The following ST14 variants were observed in gnomAD, a reference collection of about 807,000 sequenced individuals.
ST14 encodes ST14 transmembrane serine protease matriptase.
In ST14, 40 loss-of-function variants were observed where a neutral mutation model predicts 96.5. The ratio of observed to expected loss-of-function variants is 0.41; its 90% confidence interval spans 0.32 to 0.54. The LOEUF is 0.54. Among genes scored for constraint, ST14 ranks in the 20% least tolerant of loss-of-function variants. The pLI is 0.17. For synonymous variants in ST14, 506 were observed against 492.1 expected (o/e 1.03, Z -0.37); for missense variants, 1,066 against 1,188.9 (o/e 0.90, Z 1.52).
chr11:130,172,042 A>G (rs1310902951), intron 1 of ST14, among the ~76,000 whole-genome samples: 1 of 152,098 alleles, frequency 6.6e-6, no homozygotes, highest in Non-Finnish European at 1.5e-5. Flanking sequence ...ACAGCAAGAT[A>G]GTGTCAATTA....
chr11:130,184,809 G>A (rs1953223317), intron 1 of ST14, among the ~76,000 whole-genome samples: 1 of 152,222 alleles, frequency 6.6e-6, no homozygotes, highest in South Asian at 2.1e-4. Flanking sequence ...GAAAAGAAGG[G>A]GAATGAGTCT....
Position 130,195,892 on chromosome 11 carries a change from C to T in ST14, c.1114-447C>T, listed in dbSNP as rs921939674. Among the ~76,000 whole-genome samples the T allele has an allele frequency of 2.3e-4, 33 of 145,640 alleles. 1 individual carries two copies. The highest frequency in any genetic ancestry group is 1.3e-4 in the Non-Finnish European group (9 of 67,264). ...AGAAAAGAGGCTGGGTGTGGTGGCT[C>T]GTGCCTGTAATCCCAGCACTTTGGG... On this transcript the variant is annotated intron_variant, in intron 9 of 18. Coordinates refer to ENST00000278742, the MANE Select transcript of ST14 (RefSeq NM_021978.4).
At chr11:130,191,647 A>T (rs529285231) in intron 7 of ST14, among the ~76,000 whole-genome samples, 1 of 147,114 alleles carries the variant, frequency 6.8e-6, no homozygotes, top group Non-Finnish European at 1.5e-5. Flanking sequence ...CCGAGATCGT[A>T]CCACTACACT....
intron 8 of ST14, 50 bp from the exon 9 acceptor site, chr11:130,194,590 C>T (rs774704265): frequency 3.6e-5 from 58 of 1,591,856 alleles, no homozygotes; most frequent in East Asian, 6.7e-5. Context: ...TCCGCCTGCT[C>T]GGCCGGGCAG....
chr11:130,181,285 C>T lies in ST14; in HGVS notation c.82-6829C>T, dbSNP rs147967412. 3.3e-3 allele frequency among the ~76,000 whole-genome samples: 505 copies of T among 152,214 alleles called. 2 individuals are homozygous for T. Among genetic ancestry groups the T allele is most frequent in the African/African-American group, 0.011 (463 of 41,534 alleles). The stretch of plus-strand genomic sequence containing the variant: ...GGGTCTGTACCCTGCTTGTCCTGAG[C>T]CCTTTATCCCCAACCTCCCGCCTGG... On this transcript the variant is annotated intron_variant, in intron 1 of 18. Coordinates refer to ENST00000278742, the MANE Select transcript of ST14 (RefSeq NM_021978.4). This position sits in a 1 kb window ranked among gnomAD's most constrained non-coding sequence, Gnocchi z 4.1.
In ST14 at chr11:130,188,993, G is replaced by T. The variant is rs1309762028; in HGVS notation, c.440+54G>T. 8 of 1,557,514 alleles carry T rather than the reference G, an allele frequency of 5.1e-6. No individual in the cohort carries two copies. Among genetic ancestry groups the T allele is most frequent in the Non-Finnish European group, 2.6e-6 (3 of 1,143,668 alleles). On this transcript the variant is annotated intron_variant, in intron 4 of 18. Transcript: ENST00000278742. This position sits in a 1 kb window ranked among gnomAD's most constrained non-coding sequence, Gnocchi z 5.4. ...TGCACCCCAGACTGGCTGGGAGTAG[G>T]ATCGGGGTACAGTGTGTGGGGCAGG... is the stretch of plus-strand genomic sequence containing the variant.
At chr11:130,178,963 C>T (rs1953165842) in intron 1 of ST14, among the ~76,000 whole-genome samples, 1 of 152,132 alleles carries the variant, frequency 6.6e-6, no homozygotes. Flanking sequence ...TGCTTATAAC[C>T]AATTGTGGGA....
intron 16 of ST14, among the ~76,000 whole-genome samples, chr11:130,200,954 G>A (rs1953420963): frequency 6.6e-6 from 1 of 152,174 alleles, no homozygotes; most frequent in Admixed American, 6.5e-5. Flanking sequence ...CTGGCTTGCC[G>A]GTGGCCCTGG....
chr11:130,203,606 T>G (rs191829522), intron 16 of ST14, among the ~76,000 whole-genome samples: 3 of 152,260 alleles, frequency 2.0e-5, no homozygotes, highest in Non-Finnish European at 2.9e-5. Context: ...GCAGTCCTCA[T>G]GCCTTCCCCA....
chr11:130,208,771 C>CG (rs1285903582), intron 17 of ST14, 87 bp downstream of exon 17: 2 of 1,468,832 alleles, frequency 1.4e-6, no homozygotes, highest in Non-Finnish European at 1.8e-6. Context: ...GGTCTCGGGG[C>CG]GGGGGGCTGC....
Position 130,196,285 on chromosome 11 carries a change from G to A in ST14, c.1114-54G>A, listed in dbSNP as rs1565626110. 22 of 1,431,170 alleles carry A rather than the reference G, an allele frequency of 1.5e-5. No individual in the cohort carries two copies. The South Asian group carries it at 2.0e-4, about 13-fold the overall frequency. 88.7% of individuals were successfully genotyped at this position (1,431,170 alleles called of 1,614,324 possible). On this transcript the variant is annotated intron_variant, in intron 9 of 18. Transcript: ENST00000278742. ...CGCTGCCTCCCTTTGACGTCCTCAG[G>A]TTCAGGGAGGAGGGAGGGGAACTGC...
chr11:130,197,967 G>C (rs374239659), intron 12 of ST14, 22 bp downstream of exon 12: 4 of 1,553,948 alleles, frequency 2.6e-6, no homozygotes, highest in East Asian at 2.4e-5. Flanking sequence ...TGGGAGCCCC[G>C]GTCTCCCCAC....
Position 130,198,931 on chromosome 11 carries a change from C to A in ST14, c.1685-16C>A. 6.2e-7 allele frequency: 1 copy of A among 1,613,814 alleles called. No individual in the cohort carries two copies. The highest frequency in any genetic ancestry group is 8.5e-7 in the Non-Finnish European group (1 of 1,179,948). On this transcript the variant is annotated splice_polypyrimidine_tract_variant and intron_variant, in intron 14 of 18. Transcript: ENST00000278742. Reference sequence around the variant, plus strand: ...CAGAGGAATTGAGCCCCTCCCTTGTCCTCCTCCTTGAACAGTGAACGTCGT... The same window carrying A: ...CAGAGGAATTGAGCCCCTCCCTTGTACTCCTCCTTGAACAGTGAACGTCGT...
chr11:130,200,165 C>T, intron 16 of ST14, 28 bp downstream of exon 16: 1 of 1,611,978 alleles, frequency 6.2e-7, no homozygotes, highest in African/African-American at 1.3e-5. Flanking sequence ...CAGCAGGGAG[C>T]CTCCTTGCTG....
At chr11:130,186,396 G>A (rs924564130) in intron 1 of ST14, among the ~76,000 whole-genome samples, 5 of 152,190 alleles carry the variant, frequency 3.3e-5, no homozygotes, top group Non-Finnish European at 7.3e-5. Context: ...GAAAATCCCA[G>A]GGCAATGGTG....
chr11:130,195,797 G>C (rs1180804655), intron 9 of ST14, among the ~76,000 whole-genome samples: 1 of 151,758 alleles, frequency 6.6e-6, no homozygotes, highest in Non-Finnish European at 1.5e-5. Context: ...AGGTTGTGGT[G>C]AGCTGAGATC....
chr11:130,165,748 C>A (rs1445821797), intron 1 of ST14, among the ~76,000 whole-genome samples: 3 of 152,190 alleles, frequency 2.0e-5, no homozygotes, highest in African/African-American at 7.2e-5. Flanking sequence ...CAATTCCTGA[C>A]CTCACTTTAT....
intron 13 of ST14, 29 bp downstream of exon 13, chr11:130,198,447 G>A (rs756634247): frequency 3.7e-6 from 6 of 1,613,194 alleles, no homozygotes; most frequent in South Asian, 2.2e-5. Context: ...CTGCCTGGGC[G>A]GGCAGGTGGG....
intron 7 of ST14, among the ~76,000 whole-genome samples, chr11:130,192,309 T>C (rs755944870): frequency 2.6e-5 from 4 of 152,224 alleles, no homozygotes; most frequent in Non-Finnish European, 1.5e-5. Flanking sequence ...AAGAAGTACA[T>C]GTTCCCAGTG....
Sources: gnomAD v4.1 joint callset for allele counts (sites outside exome capture counted in the v4.1 genomes callset) on GRCh38, gnomAD v4.1.1 for gene constraint, Gnocchi (gnomAD v3.1) non-coding constraint, MANE v1.5 for transcripts, NCBI Gene and HGNC (gene_info 2026-07-23, HGNC 2026-07-21) for gene names.